The following UNC119B variants were observed in gnomAD, a reference collection of about 807,000 sequenced individuals.
The protein encoded by UNC119B is protein unc-119 homolog B.
In UNC119B, 16 loss-of-function variants were observed where a neutral mutation model predicts 23.4. The observed-to-expected ratio is 0.68, with a 90% confidence interval of 0.46 to 1.04. UNC119B has a LOEUF of 1.04. Among genes scored for constraint, UNC119B ranks in the 50% least tolerant of loss-of-function variants. The pLI, the probability that UNC119B is intolerant of heterozygous loss-of-function variation, is 0.00. For missense variants in UNC119B, 350 were observed against 361.3 expected (o/e 0.97, Z 0.25); for synonymous variants, 144 against 145.4 (o/e 0.99, Z 0.07).
At chr12:120,714,441 C>T (rs1882728425) in intron 2 of UNC119B, among the ~76,000 whole-genome samples, 1 of 152,144 alleles carries the variant, frequency 6.6e-6, no homozygotes, top group South Asian at 2.1e-4. Flanking sequence ...CTGCCTCAGC[C>T]TCCCAAGTAG....
At chr12:120,714,857 GT>G (rs1882739693) in intron 2 of UNC119B, among the ~76,000 whole-genome samples, 3 of 152,192 alleles carry the variant, frequency 2.0e-5, no homozygotes, top group Admixed American at 1.3e-4. Context: ...AGTCTCTCTA[GT>G]TTTTACATTT....
intron 4 of UNC119B, among the ~76,000 whole-genome samples, chr12:120,718,307 C>T (rs1031325310): frequency 2.0e-5 from 3 of 152,192 alleles, no homozygotes; most frequent in African/African-American, 7.2e-5. Flanking sequence ...CACTGTTAGT[C>T]ATGGTTTTCC....
At position 120,722,844 on chromosome 12, in the gene UNC119B, T is replaced by G. The variant is rs1427002497; in HGVS notation, c.*2812T>G. On this transcript the variant is annotated 3_prime_UTR_variant, in exon 5 of 5. Transcript: ENST00000344651. Reference sequence around the variant, plus strand: ...TTGGGCTAAAGTAGGCTATGTCTCCTTATGTATTACTCAATACTGTTTTGC... The same window carrying G: ...TTGGGCTAAAGTAGGCTATGTCTCCGTATGTATTACTCAATACTGTTTTGC... The G allele has an allele frequency of 6.6e-6, 1 of 152,286 alleles. No homozygotes were observed. The highest frequency in any genetic ancestry group is 2.4e-5 in the African/African-American group (1 of 41,478). 9.4% of individuals were successfully genotyped at this position (152,286 alleles called of 1,614,324 possible).
At chr12:120,717,098 A>C in intron 4 of UNC119B, 56 bp downstream of exon 4, 1 of 1,492,964 alleles carries the variant, frequency 6.7e-7, no homozygotes, top group Non-Finnish European at 9.0e-7. Flanking sequence ...CAAGGAACAA[A>C]CCTTGAAACC....
rs375938118 is a variant in UNC119B at position 120,717,288 on chromosome 12, CAG to C, written c.643+249_643+250del. Among the ~76,000 whole-genome samples the C allele has an allele frequency of 5.2e-3, 792 of 152,242 alleles. 5 individuals are homozygous for C. Among genetic ancestry groups the C allele is most frequent in the African/African-American group, 0.018 (732 of 41,524 alleles). ...TTGTTTTTGTTTTTTTCCCCTGAGA[CAG>C]AGTCTTGCTCTGTCTGTTGCCCAGG... On this transcript the variant is annotated intron_variant, in intron 4 of 4. Transcript: ENST00000344651.
At chr12:120,718,149 T>A (rs1223665310) in intron 4 of UNC119B, among the ~76,000 whole-genome samples, 2 of 152,192 alleles carry the variant, frequency 1.3e-5, no homozygotes, top group African/African-American at 4.8e-5. Flanking sequence ...ATTACAGGCT[T>A]GAGCCACTGC....
intron 2 of UNC119B, among the ~76,000 whole-genome samples, chr12:120,715,036 A>C (rs1428085918): frequency 6.6e-6 from 1 of 152,014 alleles, no homozygotes; most frequent in Non-Finnish European, 1.5e-5. Flanking sequence ...AAAAAATACA[A>C]AAAAATTAGC....
intron 2 of UNC119B, among the ~76,000 whole-genome samples, chr12:120,714,314 G>T (rs1286073701): frequency 6.8e-6 from 1 of 148,012 alleles, no homozygotes; most frequent in African/African-American, 2.5e-5. Context: ...TGTTTTGTGG[G>T]TTTTTTTTTT....
At chr12:120,712,415 G>C (rs1402799677) in intron 1 of UNC119B, among the ~76,000 whole-genome samples, 3 of 152,216 alleles carry the variant, frequency 2.0e-5, no homozygotes, top group African/African-American at 4.8e-5. Context: ...GAGCTGTGGA[G>C]AAGATGCTAT....
chr12:120,710,521 G>GCGGCGGAGCGATGA lies in UNC119B; in HGVS notation c.47_48insCGGCGGAGCGATGA (p.Pro17GlyfsTer24). On this transcript the variant is annotated frameshift_variant, in exon 1 of 5. Transcript: ENST00000344651. LOFTEE classifies it high-confidence loss of function. ...GCTGCGGCCGCGGCGTCGGCGGCTGGGCCCGGGGGGCTGGTGGCTGGCAAG... is the reference window on the plus strand; with the variant it reads ...GCTGCGGCCGCGGCGTCGGCGGCTGGCGGCGGAGCGATGAGCCCGGGGGGCTGGTGGCTGGCAAG... The GCGGCGGAGCGATGA allele has an allele frequency of 7.3e-7, 1 of 1,366,826 alleles. No individual in the cohort carries two copies. The highest frequency in any genetic ancestry group is 9.4e-7 in the Non-Finnish European group (1 of 1,066,478). 84.7% of individuals were successfully genotyped at this position (1,366,826 alleles called of 1,614,324 possible).
At position 120,712,770 on chromosome 12, in the gene UNC119B, T is replaced by C. The variant is rs1253369680; in HGVS notation, c.245-504T>C. Among the ~76,000 whole-genome samples, 4 of 152,184 alleles carry C rather than the reference T, an allele frequency of 2.6e-5. No individual in the cohort carries two copies. In the East Asian group the frequency reaches 7.7e-4, roughly 29 times the overall value. On this transcript the variant is annotated intron_variant, in intron 1 of 4. Coordinates refer to ENST00000344651, the MANE Select transcript of UNC119B (RefSeq NM_001080533.3). ...TGCTTTTGTGGCTACAATGATAGAGTTGAGTAGTTGTGACAGAGACCATGT... is the reference window on the plus strand; with the variant it reads ...TGCTTTTGTGGCTACAATGATAGAGCTGAGTAGTTGTGACAGAGACCATGT...
rs527365030 is a variant in UNC119B, at chr12:120,718,259, T to C, written c.643+1217T>C. ...GGAGATAAAAGGAGGCCTGTGACCA[T>C]CCCTGGGACGCTGATCAGATAAAGC... On this transcript the variant is annotated intron_variant, in intron 4 of 4. Transcript: ENST00000344651. Among the ~76,000 whole-genome samples, 6 of 152,252 alleles carry C rather than the reference T, an allele frequency of 3.9e-5. No individual in the cohort carries two copies. The East Asian group carries it at 9.6e-4, about 24-fold the overall frequency.
chr12:120,713,159 A>T, intron 1 of UNC119B, 115 bp from the exon 2 acceptor site: 1 of 790,910 alleles, frequency 1.3e-6, no homozygotes, highest in Admixed American at 2.7e-5. Flanking sequence ...TTTTGGGAGT[A>T]TTTTAAGTGT....
At position 120,721,175 on chromosome 12, in the gene UNC119B, C is replaced by T. The variant is rs1358261312; in HGVS notation, c.*1143C>T. The T allele has an allele frequency of 2.6e-5, 4 of 152,166 alleles. No individual in the cohort carries two copies. Among genetic ancestry groups the T allele is most frequent in the South Asian group, 2.1e-4 (1 of 4,818 alleles). The allele number at this position is 152,166 out of a possible 1,614,324, so 9.4% of individuals were successfully genotyped here. On this transcript the variant is annotated 3_prime_UTR_variant, in exon 5 of 5. Transcript: ENST00000344651. ...GAACTTTCCTGGTGGATCAGAGTTA[C>T]GTAATGCAGTCTGAGCCTTCAGACT...
chr12:120,720,826 C>G lies in UNC119B; in HGVS notation c.*794C>G, dbSNP rs1485562909. 4 of 152,234 alleles carry G rather than the reference C, an allele frequency of 2.6e-5. No homozygotes were observed. The East Asian group carries it at 7.7e-4, about 29-fold the overall frequency. 9.4% of individuals were successfully genotyped at this position (152,234 alleles called of 1,614,324 possible). On this transcript the variant is annotated 3_prime_UTR_variant, in exon 5 of 5. Transcript: ENST00000344651. ...CTCTGCTCATGGAACAGTAGTATCT[C>G]TTGAGGCCAGAGCAGGTCTTGTATT...
chr12:120,720,798 C>T lies in UNC119B; in HGVS notation c.*766C>T, dbSNP rs76903321. The T allele has an allele frequency of 6.6e-6, 1 of 152,336 alleles. No homozygotes were observed. The highest frequency in any genetic ancestry group is 1.9e-4 in the East Asian group (1 of 5,192). The allele number at this position is 152,336 out of a possible 1,614,324, so 9.4% of individuals were successfully genotyped here. A position where few individuals can be genotyped will look rare whatever the true frequency, so the allele number is the denominator to read the frequency against. On this transcript the variant is annotated 3_prime_UTR_variant, in exon 5 of 5. Coordinates refer to ENST00000344651, the MANE Select transcript of UNC119B (RefSeq NM_001080533.3). ...CTGAGTCTCATGAAATAGAATGAGT[C>T]AGCTCTGCTCATGGAACAGTAGTAT... is the stretch of plus-strand genomic sequence containing the variant.
Position 120,710,681 on chromosome 12 carries a change from GC to G in UNC119B, c.210del (p.Glu71SerfsTer102). 6.9e-7 allele frequency: 1 copy of G among 1,447,170 alleles called. No individual in the cohort carries two copies. The allele number at this position is 1,447,170 out of a possible 1,614,324, so 89.6% of individuals were successfully genotyped here. ...AGCTGCTGGCGCTGGACACCATCCGGCCCGAGCACGTCCTGCGCCTCAGCCG... is the reference window on the plus strand; with the variant it reads ...AGCTGCTGGCGCTGGACACCATCCGGCCGAGCACGTCCTGCGCCTCAGCCG... Reference protein sequence around the residue: ...QELLALDTIRPEHVLRLSRVT... With the variant: ...QELLALDTIRXEHVLRLSRVT... On this transcript the variant is annotated frameshift_variant, in exon 1 of 5. Transcript: ENST00000344651. LOFTEE classifies it high-confidence loss of function.
At chr12:120,713,188 T>C in intron 1 of UNC119B, 86 bp from the exon 2 acceptor site, 1 of 1,140,056 alleles carries the variant, frequency 8.8e-7, no homozygotes, top group Non-Finnish European at 1.3e-6. Flanking sequence ...AGAAAAAATC[T>C]GAGTTTGCTT....
At chr12:120,713,476 C>T in intron 2 of UNC119B, 89 bp downstream of exon 2, 1 of 987,108 alleles carries the variant, frequency 1.0e-6, no homozygotes, top group Non-Finnish European at 1.6e-6. Flanking sequence ...CATCCTGTTT[C>T]TTGGACTCCA....
Sources: gnomAD v4.1 joint callset for allele counts (sites outside exome capture counted in the v4.1 genomes callset) on GRCh38, gnomAD v4.1.1 for gene constraint, MANE v1.5 for transcripts, NCBI Gene and HGNC (gene_info 2026-07-23, HGNC 2026-07-21) for gene names.